Variants in RTEL1 observed in about 807,000 individuals in gnomAD.
RTEL1 encodes the protein regulator of telomere length.
A neutral mutation model predicts 162.2 loss-of-function variants in RTEL1; 86 were observed. That is an observed-to-expected ratio of 0.53 (90% CI 0.45 to 0.63). The LOEUF (loss-of-function observed/expected upper bound fraction) is 0.63, where lower values mean the gene tolerates loss of function less well. RTEL1 is among the 30% of genes least tolerant of loss of function. The probability of loss-of-function intolerance (pLI) is 0.00; values close to 1 mark genes in which losing one functional copy is unlikely to be tolerated. For synonymous variants in RTEL1, 958 were observed against 717.9 expected (o/e 1.33, Z -5.35); for missense variants, 1,941 against 1,750.2 (o/e 1.11, Z -1.95).
chr20:63,666,391 T>G (rs965363339), intron 7 of RTEL1, among the ~76,000 whole-genome samples: 4 of 151,422 alleles, frequency 2.6e-5, no homozygotes, highest in Non-Finnish European at 2.9e-5. Flanking sequence ...CTGTTTTCAC[T>G]CAGCGTTGTG....
At chr20:63,672,723 C>T (rs1398857985) in intron 9 of RTEL1, 102 bp downstream of exon 9, 9 of 955,942 alleles carry the variant, frequency 9.4e-6, no homozygotes, top group East Asian at 7.8e-5. Flanking sequence ...ACTCCTGAAG[C>T]CCTAGGTGCC....
At chr20:63,693,639 ACCACCT>A (rs1601189822) in intron 30 of RTEL1, among the ~76,000 whole-genome samples, 174 of 11,930 alleles carry the variant, frequency 0.015, no homozygotes, top group South Asian at 0.026. Context: ...CTCCACCACC[ACCACCT>A]CCACCTCCAC....
chr20:63,693,315 T>A (rs1229956775), intron 30 of RTEL1, 32 bp downstream of exon 30: 1 of 1,609,572 alleles, frequency 6.2e-7, no homozygotes, highest in Admixed American at 1.7e-5. Flanking sequence ...ACCCTCAGAC[T>A]CCTGCGTGGA....
At chr20:63,694,315 C>A in intron 30 of RTEL1, 57 bp from the exon 31 acceptor site, 5 of 1,225,472 alleles carry the variant, frequency 4.1e-6, no homozygotes, top group South Asian at 3.6e-5. Context: ...CCCCCCCACC[C>A]CAGGGAACTT....
At chr20:63,662,407 G>T (rs1312805488) in intron 4 of RTEL1, 139 bp from the exon 5 acceptor site, 1 of 1,539,236 alleles carries the variant, frequency 6.5e-7, no homozygotes, top group Non-Finnish European at 8.8e-7. Flanking sequence ...TCCCTCCTAC[G>T]CCCGGGCCAC....
Position 63,661,648 on chromosome 20 carries a change from G to A in RTEL1, c.301+152G>A, listed in dbSNP as rs951464319. On this transcript the variant is annotated intron_variant, in intron 3 of 34. Coordinates refer to ENST00000360203, the MANE Select transcript of RTEL1 (RefSeq NM_001283009.2). This position sits in a 1 kb window ranked among gnomAD's most constrained non-coding sequence, Gnocchi z 5.1. ...AGCTGCTGTATAATTTCTCGCCATC[G>A]TGGGTGTAAACCTAGGGTTGGGCTT... 2.2e-5 allele frequency: 21 copies of A among 971,314 alleles called. No individual in the cohort carries two copies. The Admixed American group carries it at 2.2e-4, about 10-fold the overall frequency. 60.2% of individuals were successfully genotyped at this position (971,314 alleles called of 1,614,324 possible).
chr20:63,690,493 C>CGGGGGGGGG (rs2145432733), intron 26 of RTEL1, 52 bp downstream of exon 26: 10 of 531,854 alleles, frequency 1.9e-5, no homozygotes, highest in Middle Eastern at 4.7e-4. Flanking sequence ...GAGCGGGCGG[C>CGGGGGGGGG]GTGGGGCGGG....
At chr20:63,693,358 G>C (rs1046524984) in intron 30 of RTEL1, 75 bp downstream of exon 30, 15 of 1,575,192 alleles carry the variant, frequency 9.5e-6, no homozygotes, top group African/African-American at 2.7e-5. Flanking sequence ...GGGCTGCTTG[G>C]GGTGGGCATC....
chr20:63,689,897 A>C, intron 24 of RTEL1, 32 bp downstream of exon 24: 1 of 1,580,746 alleles, frequency 6.3e-7, no homozygotes. Flanking sequence ...GCGCGGCGCC[A>C]GGGGACACGC....
chr20:63,695,109 A>G lies in RTEL1; in HGVS notation c.3387A>G (p.Ser1129=), dbSNP rs992459363. The G allele has an allele frequency of 1.2e-6, 2 of 1,612,106 alleles. No homozygotes were observed. The highest frequency in any genetic ancestry group is 2.7e-5 in the African/African-American group (2 of 74,850). The change falls in exon 33 of 35, where the codon TCA becomes TCG. Residue 1129 remains serine, a synonymous_variant. Transcript: ENST00000360203. ...FVRPHHKQRF[S]QTCTDLTGRP... ...GTCCACACCACAAGCAGCGCTTCTC[A>G]CAGACGTGCACAGACCTGACCGGCC... is the stretch of plus-strand genomic sequence containing the variant.
chr20:63,673,439 ATTGT>A (rs904749251), intron 9 of RTEL1, among the ~76,000 whole-genome samples: 7 of 151,806 alleles, frequency 4.6e-5, no homozygotes, highest in Non-Finnish European at 8.8e-5. Context: ...CAGTGAAATA[ATTGT>A]TTGTTTGTTT....
rs772493388 is a variant in RTEL1, at chr20:63,690,112, C to G, written c.2167C>G (p.Gln723Glu). The change falls in exon 25 of 35, where the codon CAA becomes GAA. Residue 723 changes from glutamine to glutamate, a missense_variant. Physicochemically the swap from Gln to Glu is conservative, Grantham distance 29. Coordinates refer to ENST00000360203, the MANE Select transcript of RTEL1 (RefSeq NM_001283009.2). ...HRFAFADARAQLPSWVRPHVR... is the reference protein window; with the variant it reads ...HRFAFADARAELPSWVRPHVR... ...GTTCGCCTTTGCCGACGCAAGAGCC[C>G]AACTGCCCTCCTGGGTGCGTCCCCA... The G allele has an allele frequency of 6.2e-7, 1 of 1,612,166 alleles. No individual in the cohort carries two copies. The highest frequency in any genetic ancestry group is 8.5e-7 in the Non-Finnish European group (1 of 1,179,808).
At chr20:63,693,374 G>T in intron 30 of RTEL1, 91 bp downstream of exon 30, 1 of 1,481,888 alleles carries the variant, frequency 6.7e-7, no homozygotes, top group Middle Eastern at 2.3e-4. Flanking sequence ...GCATCCTCGG[G>T]CCCTGCTTGG....
intron 20 of RTEL1, 41 bp downstream of exon 20, chr20:63,688,427 G>C (rs750600773): frequency 6.2e-7 from 1 of 1,607,574 alleles, no homozygotes; most frequent in East Asian, 2.2e-5. Context: ...GGTGAGGGCA[G>C]GGCTGGAGCA....
chr20:63,665,991 C>G lies in RTEL1; in HGVS notation c.539-13C>G. ...CCTGAGGGTGTGTGTTTACCCCTGC[C>G]TCACACCTGCAGAAAAAAGCCTGGA... is the stretch of plus-strand genomic sequence containing the variant. On this transcript the variant is annotated splice_polypyrimidine_tract_variant and intron_variant, in intron 6 of 34. Coordinates refer to ENST00000360203, the MANE Select transcript of RTEL1 (RefSeq NM_001283009.2). The G allele has an allele frequency of 6.2e-7, 1 of 1,613,704 alleles. No homozygotes were observed. The highest frequency in any genetic ancestry group is 8.5e-7 in the Non-Finnish European group (1 of 1,179,694).
chr20:63,678,252 C>T lies in RTEL1; in HGVS notation c.959-16C>T. Reference sequence around the variant, plus strand: ...CCTCCTTGCGAGGAGGTGGGTGACACCTCCTCGACCCACAGTGATCCTGCT... The same window carrying T: ...CCTCCTTGCGAGGAGGTGGGTGACATCTCCTCGACCCACAGTGATCCTGCT... On this transcript the variant is annotated splice_polypyrimidine_tract_variant and intron_variant, in intron 11 of 34. Transcript: ENST00000360203. 6.2e-7 allele frequency: 1 copy of T among 1,612,518 alleles called. No individual in the cohort carries two copies. Among genetic ancestry groups the T allele is most frequent in the Non-Finnish European group, 8.5e-7 (1 of 1,178,960 alleles).
At chr20:63,694,297 C>CCGGGCG in intron 30 of RTEL1, 75 bp from the exon 31 acceptor site, 2 of 1,064,282 alleles carry the variant, frequency 1.9e-6, no homozygotes. Context: ...CCTCCCTAGC[C>CCGGGCG]AGCCCTGCCC....
At chr20:63,672,703 C>CTG (rs2090269204) in intron 9 of RTEL1, 82 bp downstream of exon 9, 2 of 1,219,814 alleles carry the variant, frequency 1.6e-6, no homozygotes, top group African/African-American at 3.0e-5. Flanking sequence ...TCTGGAGGGG[C>CTG]TCTGGCCAAA....
rs972815764 is a variant in RTEL1, at chr20:63,682,094, G to A, written c.1191+1375G>A. 4.1e-6 allele frequency: 4 copies of A among 985,308 alleles called. No individual in the cohort carries two copies. In the South Asian group the frequency reaches 1.4e-4, roughly 35 times the overall value. The allele number at this position is 985,308 out of a possible 1,614,324, so 61.0% of individuals were successfully genotyped here. ...GGCAGGTGTGAGCTGGCCCGGGCCT[G>A]TCCCTCCCTGGAATACAGCTTCCCA... On this transcript the variant is annotated intron_variant, in intron 14 of 34. Coordinates refer to ENST00000360203, the MANE Select transcript of RTEL1 (RefSeq NM_001283009.2).
Sources: gnomAD v4.1 joint callset for allele counts (sites outside exome capture counted in the v4.1 genomes callset) on GRCh38, gnomAD v4.1.1 for gene constraint, Gnocchi (gnomAD v3.1) non-coding constraint, MANE v1.5 for transcripts, NCBI Gene and HGNC (gene_info 2026-07-23, HGNC 2026-07-21) for gene names.